Variants in LARGE1 observed in about 807,000 individuals in gnomAD.
The protein encoded by LARGE1 is LARGE xylosyl- and glucuronyltransferase 1, also known as xylosyl- and glucuronyltransferase LARGE1.
A neutral mutation model predicts 87.6 loss-of-function variants in LARGE1; 43 were observed. The ratio of observed to expected loss-of-function variants is 0.49; its 90% CI spans 0.38 to 0.63. LARGE1 has a LOEUF of 0.63. Among genes scored for constraint, LARGE1 ranks in the 30% least tolerant of loss-of-function variants. LARGE1 has a pLI of 0.00. For synonymous variants in LARGE1, 434 were observed against 394.6 expected (o/e 1.10, Z -1.18); for missense variants, 802 against 1,000.2 (o/e 0.80, Z 2.67).
At chr22:33,239,271 A>G (rs969146053) in intron 11 of LARGE1, among the ~76,000 whole-genome samples, 1 of 152,124 alleles carries the variant, frequency 6.6e-6, no homozygotes. Context: ...ACTTAAATAC[A>G]TATTGCCAAC....
At chr22:33,341,496 C>T (rs1424069239) in intron 9 of LARGE1, among the ~76,000 whole-genome samples, 1 of 152,086 alleles carries the variant, frequency 6.6e-6, no homozygotes, top group Non-Finnish European at 1.5e-5. Context: ...GACCCAGCTC[C>T]CTCTGTCCTC....
At chr22:33,435,422 A>G (rs2067232483) in intron 6 of LARGE1, among the ~76,000 whole-genome samples, 1 of 152,242 alleles carries the variant, frequency 6.6e-6, no homozygotes, top group Admixed American at 6.5e-5. Context: ...AGGGCAAGAT[A>G]CTACAAGGTG....
chr22:33,860,261 G>C (rs1056994546), intron 1 of LARGE1, among the ~76,000 whole-genome samples: 3 of 152,094 alleles, frequency 2.0e-5, no homozygotes, highest in South Asian at 2.1e-4. Context: ...CAAAGTGTTA[G>C]GATTACAGGC....
rs909130903 is a variant in LARGE1, at chr22:33,651,197, C to T, written c.107-529G>A. 1.0e-4 allele frequency among the ~76,000 whole-genome samples: 11 copies of T among 106,948 alleles called. No homozygotes were observed. In the East Asian group the frequency reaches 1.0e-3, roughly 10 times the overall value. The allele number at this position is 106,948 out of a possible 152,430, so 70.2% of individuals were successfully genotyped here. On this transcript the variant is annotated intron_variant, in intron 2 of 14. Coordinates refer to ENST00000397394, the MANE Select transcript of LARGE1 (RefSeq NM_133642.5). ...GGAGATTGAGATTATCCTGGCTAAC[C>T]GGTGAAACCCGGTCTCTACTAAAAA...
intron 2 of LARGE1, among the ~76,000 whole-genome samples, chr22:33,730,484 T>G (rs952787826): frequency 6.6e-6 from 1 of 152,188 alleles, no homozygotes; most frequent in Non-Finnish European, 1.5e-5. Context: ...ACACCTACTA[T>G]GTATCCATAA....
intron 1 of LARGE1, among the ~76,000 whole-genome samples, chr22:33,827,155 G>A (rs1370438959): frequency 6.6e-6 from 1 of 151,478 alleles, no homozygotes; most frequent in African/African-American, 2.4e-5. Flanking sequence ...AAGGTCAGGA[G>A]ATCGAGACCA....
rs138641524 is a variant in LARGE1, at chr22:33,534,708, G to A, written c.787+30140C>T. Among the ~76,000 whole-genome samples, 759 of 152,316 alleles carry A rather than the reference G, an allele frequency of 5.0e-3. 5 individuals are homozygous for A. Among genetic ancestry groups the A allele is most frequent in the African/African-American group, 0.017 (718 of 41,566 alleles). On this transcript the variant is annotated intron_variant, in intron 6 of 14. Transcript: ENST00000397394. ...GGGGCTGCCCCAGTGCTGGTTCTGG[G>A]TTTGGGGAGAGGATGGACTACAACT...
At chr22:33,413,087 T>C (rs1302940823) in intron 7 of LARGE1, among the ~76,000 whole-genome samples, 7 of 152,204 alleles carry the variant, frequency 4.6e-5, no homozygotes, top group African/African-American at 1.7e-4. Flanking sequence ...ACTATTTTTG[T>C]CCTTTATAAC....
chr22:33,790,535 G>A (rs1405644383), intron 1 of LARGE1, among the ~76,000 whole-genome samples: 1 of 152,078 alleles, frequency 6.6e-6, no homozygotes, highest in Non-Finnish European at 1.5e-5. Context: ...CACTTCAAAA[G>A]CCAATATATA....
intron 2 of LARGE1, among the ~76,000 whole-genome samples, chr22:33,754,388 G>A (rs1174711617): frequency 2.6e-5 from 4 of 151,194 alleles, no homozygotes; most frequent in African/African-American, 9.8e-5. Flanking sequence ...GCAGGCTGGA[G>A]TGCAGGGCGC....
At chr22:33,774,545 T>C (rs13055545) in intron 1 of LARGE1, among the ~76,000 whole-genome samples, 28,575 of 129,330 alleles carry the variant, frequency 0.22, 3,244 homozygotes, top group Admixed American at 0.37. Context: ...TTAGTAGAGA[T>C]GGGGGTTTCA....
intron 6 of LARGE1, among the ~76,000 whole-genome samples, chr22:33,504,321 G>A (rs1301436505): frequency 1.3e-5 from 2 of 152,180 alleles, no homozygotes; most frequent in Admixed American, 6.5e-5. Context: ...GTGCAGTGGC[G>A]CAATCTCAGC....
At chr22:33,328,246 A>G (rs1937411385) in intron 10 of LARGE1, among the ~76,000 whole-genome samples, 1 of 152,040 alleles carries the variant, frequency 6.6e-6, no homozygotes, top group Admixed American at 6.6e-5. Flanking sequence ...CCTGCCACCA[A>G]CGTGTTCTAT....
At chr22:33,290,288 A>C (rs1932300412) in intron 12 of LARGE1, among the ~76,000 whole-genome samples, 1 of 152,102 alleles carries the variant, frequency 6.6e-6, no homozygotes, top group Admixed American at 6.6e-5. Context: ...CGGAAGACAT[A>C]AGGAAACGCC....
chr22:33,681,353 G>T (rs1249416526), intron 2 of LARGE1, among the ~76,000 whole-genome samples: 1 of 152,182 alleles, frequency 6.6e-6, no homozygotes, highest in African/African-American at 2.4e-5. Flanking sequence ...GTTGTTAGGA[G>T]CAAGGAGTCA....
At chr22:33,312,856 TGGA>T (rs1340525785) in intron 11 of LARGE1, among the ~76,000 whole-genome samples, 2 of 152,188 alleles carry the variant, frequency 1.3e-5, no homozygotes, top group Non-Finnish European at 2.9e-5. Flanking sequence ...ATAAATGCCA[TGGA>T]GGAGAAGGAA....
the LARGE1 span, among the ~76,000 whole-genome samples, chr22:33,139,779 C>T: frequency 5.1e-4 from 77 of 152,314 alleles, no homozygotes; most frequent in Admixed American, 4.6e-4. Flanking sequence ...TTTAAGGGAA[C>T]CCTTAGGCTT....
At position 33,626,271 on chromosome 22, in the gene LARGE1, G is replaced by T; in HGVS notation, c.464C>A (p.Thr155Asn). 6.2e-7 allele frequency: 1 copy of T among 1,614,148 alleles called. No homozygotes were observed. ...ATGGAACAGGACGGATTTGACCAGGGTGACGACATCCCGGCTGGCATTGTA... is the reference window on the plus strand; with the variant it reads ...ATGGAACAGGACGGATTTGACCAGGTTGACGACATCCCGGCTGGCATTGTA... ...AGYNASRDVV[T>N]LVKSVLFHRR... is the part of the protein sequence containing the mutation. The change falls in exon 4 of 15, where the codon ACC (threonine) becomes AAC (asparagine). Residue 155 changes from threonine (T) to asparagine (N), a missense_variant. Around this residue, in one of 2 missense-constraint regions of LARGE1, gnomAD observed 625 missense variants for 841.9 expected, o/e 0.74. Transcript: ENST00000397394.
In LARGE1 at chr22:33,492,732, A is replaced by G. The variant is rs1230090206; in HGVS notation, c.788-60467T>C. ...AGTCTCAATTTTTAATCAATTGTGC[A>G]CATTTTAAATTTTACCTCATAATAT... On this transcript the variant is annotated intron_variant, in intron 6 of 14. Coordinates refer to ENST00000397394, the MANE Select transcript of LARGE1 (RefSeq NM_133642.5). 2.0e-5 allele frequency among the ~76,000 whole-genome samples: 3 copies of G among 152,202 alleles called. 1 individual carries two copies. Among genetic ancestry groups the G allele is most frequent in the Admixed American group, 1.3e-4 (2 of 15,280 alleles).
Sources: gnomAD v4.1 joint callset for allele counts (sites outside exome capture counted in the v4.1 genomes callset) on GRCh38, gnomAD v4.1.1 for gene constraint, gnomAD v4.1.1 regional missense constraint, MANE v1.5 for transcripts, NCBI Gene and HGNC (gene_info 2026-07-23, HGNC 2026-07-21) for gene names.